The following CDH13 variants were observed in gnomAD, a reference collection of about 807,000 sequenced individuals.
CDH13 encodes the protein cadherin 13.
In CDH13, 24 loss-of-function variants were observed where a neutral mutation model predicts 63.8. The observed-to-expected ratio is 0.38, with a 90% CI of 0.27 to 0.53. The LOEUF is 0.53. Ranked by LOEUF, CDH13 falls within the 20% of genes least tolerant of loss-of-function variation. The pLI is 0.85. For missense variants in CDH13, 1,049 were observed against 903.1 expected (o/e 1.16, Z -2.07); for synonymous variants, 503 against 355.3 (o/e 1.42, Z -4.67).
chr16:82,813,305 C>T (rs1405538087), intron 1 of CDH13, among the ~76,000 whole-genome samples: 1 of 152,162 alleles, frequency 6.6e-6, no homozygotes, highest in Non-Finnish European at 1.5e-5. Context: ...TTTAGGGCTT[C>T]AGAGCTGCAC....
At chr16:82,935,066 C>G (rs1341246981) in intron 2 of CDH13, among the ~76,000 whole-genome samples, 1 of 152,168 alleles carries the variant, frequency 6.6e-6, no homozygotes, top group Non-Finnish European at 1.5e-5. Flanking sequence ...TCTCACACTG[C>G]TACAAAGACA....
At chr16:83,539,588 G>A (rs2075261497) in intron 7 of CDH13, among the ~76,000 whole-genome samples, 1 of 152,168 alleles carries the variant, frequency 6.6e-6, no homozygotes, top group African/African-American at 2.4e-5. Flanking sequence ...TGAGCATGAG[G>A]GCCATTTGTT....
intron 2 of CDH13, among the ~76,000 whole-genome samples, chr16:82,873,802 C>T (rs2040419232): frequency 6.6e-6 from 1 of 152,080 alleles, no homozygotes; most frequent in Non-Finnish European, 1.5e-5. Flanking sequence ...CCAAAGATGA[C>T]CCACGAAATT....
intron 6 of CDH13, among the ~76,000 whole-genome samples, chr16:83,463,794 G>T (rs1567689792): frequency 1.3e-5 from 2 of 152,118 alleles, no homozygotes; most frequent in Non-Finnish European, 2.9e-5. Context: ...AACTGAGTGA[G>T]ACTCTGTCTC....
At chr16:83,774,638 T>G (rs1914983734) in intron 11 of CDH13, among the ~76,000 whole-genome samples, 1 of 152,026 alleles carries the variant, frequency 6.6e-6, no homozygotes, top group Non-Finnish European at 1.5e-5. Context: ...CCTCCCAGAG[T>G]GCTAGGATTA....
intron 5 of CDH13, among the ~76,000 whole-genome samples, chr16:83,227,312 G>T (rs941614428): frequency 1.3e-5 from 2 of 152,286 alleles, no homozygotes; most frequent in East Asian, 3.9e-4. Context: ...GACATCTCCC[G>T]CAGTGGTCCT....
At chr16:83,648,884 T>A (rs1343475591) in intron 8 of CDH13, among the ~76,000 whole-genome samples, 1 of 152,138 alleles carries the variant, frequency 6.6e-6, no homozygotes, top group Non-Finnish European at 1.5e-5. Context: ...TTTGCATATG[T>A]AGCTGTGTCT....
At chr16:83,014,064 T>A (rs764307342) in intron 2 of CDH13, among the ~76,000 whole-genome samples, 1 of 151,856 alleles carries the variant, frequency 6.6e-6, no homozygotes, top group East Asian at 1.9e-4. Context: ...GTTCACAGTC[T>A]GATAAGGAAA....
At chr16:82,649,674 A>AGG (rs1278423060) in intron 1 of CDH13, among the ~76,000 whole-genome samples, 3 of 152,090 alleles carry the variant, frequency 2.0e-5, no homozygotes, top group African/African-American at 7.2e-5. Context: ...TAGGAAGGAG[A>AGG]GGGGATGTAA....
Position 83,386,133 on chromosome 16 carries a change from T to G in CDH13, c.781+41127T>G, listed in dbSNP as rs141333890. ...TAAGTAGTTAGAAACATGTCGCTGTTGAGGAAACATGAGCTGCTGTTGTAT... is the reference window on the plus strand; with the variant it reads ...TAAGTAGTTAGAAACATGTCGCTGTGGAGGAAACATGAGCTGCTGTTGTAT... On this transcript the variant is annotated intron_variant, in intron 6 of 13. Transcript: ENST00000567109. Among the ~76,000 whole-genome samples the G allele has an allele frequency of 7.2e-5, 11 of 152,290 alleles. 1 individual carries two copies. The highest frequency in any genetic ancestry group is 3.4e-3 in the Middle Eastern group (1 of 294).
chr16:83,455,782 G>A (rs921300410), intron 6 of CDH13, among the ~76,000 whole-genome samples: 1 of 152,190 alleles, frequency 6.6e-6, no homozygotes, highest in Admixed American at 6.5e-5. Flanking sequence ...TGCAGGGCCA[G>A]GGCAGCATCT....
intron 6 of CDH13, among the ~76,000 whole-genome samples, chr16:83,479,311 A>G (rs1449350397): frequency 6.6e-6 from 1 of 152,152 alleles, no homozygotes; most frequent in South Asian, 2.1e-4. Flanking sequence ...TCATGATTGC[A>G]CTCAGCAGTG....
At chr16:83,371,808 C>G (rs993345547) in intron 6 of CDH13, among the ~76,000 whole-genome samples, 1 of 152,128 alleles carries the variant, frequency 6.6e-6, no homozygotes, top group African/African-American at 2.4e-5. Flanking sequence ...CTTCACGAGT[C>G]TTTTCTGGAT....
chr16:82,709,929 G>C (rs1274857505), intron 1 of CDH13, among the ~76,000 whole-genome samples: 1 of 152,018 alleles, frequency 6.6e-6, no homozygotes, highest in Non-Finnish European at 1.5e-5. Context: ...AAGGGCTCTA[G>C]ATGAGGATGT....
At chr16:82,906,070 C>T (rs1371169892) in intron 2 of CDH13, among the ~76,000 whole-genome samples, 2 of 152,150 alleles carry the variant, frequency 1.3e-5, no homozygotes, top group African/African-American at 2.4e-5. Context: ...TATCTGTCAT[C>T]GATCTATCTA....
At chr16:82,796,471 A>T (rs923840788) in intron 1 of CDH13, among the ~76,000 whole-genome samples, 1 of 152,230 alleles carries the variant, frequency 6.6e-6, no homozygotes, top group African/African-American at 2.4e-5. Flanking sequence ...CTGTGATTTC[A>T]ACAGTGAAGG....
chr16:83,192,354 G>T (rs183652681), intron 4 of CDH13, among the ~76,000 whole-genome samples: 347 of 152,302 alleles, frequency 2.3e-3, no homozygotes, highest in African/African-American at 6.9e-3. Context: ...GAGGGTAGAT[G>T]CAGAATAAAG....
chr16:82,884,532 A>G (rs2040815573), intron 2 of CDH13: 1 of 216,452 alleles, frequency 4.6e-6, no homozygotes, highest in African/African-American at 2.2e-5. Flanking sequence ...GGGAAGCAAG[A>G]GAAGCCAGGG....
At chr16:82,695,398 T>C (rs2030151477) in intron 1 of CDH13, among the ~76,000 whole-genome samples, 1 of 152,236 alleles carries the variant, frequency 6.6e-6, no homozygotes, top group African/African-American at 2.4e-5. Context: ...AAATTCTTTT[T>C]AACTCTACTT....
Sources: gnomAD v4.1 joint callset for allele counts (sites outside exome capture counted in the v4.1 genomes callset) on GRCh38, gnomAD v4.1.1 for gene constraint, MANE v1.5 for transcripts, NCBI Gene and HGNC (gene_info 2026-07-23, HGNC 2026-07-21) for gene names.